IMMP2L: variants seen among roughly 807,000 people sequenced by gnomAD.
IMMP2L encodes mitochondrial inner membrane protease subunit 2.
In IMMP2L, 18 loss-of-function variants were observed where a neutral mutation model predicts 19.3. The ratio of observed to expected loss-of-function variants is 0.93; its 90% CI spans 0.64 to 1.38. The LOEUF (loss-of-function observed/expected upper bound fraction) is 1.38, where lower values mean the gene tolerates loss of function less well. Among genes scored for constraint, IMMP2L ranks in the 40% most tolerant of loss-of-function variants. IMMP2L has a pLI of 0.00. For synonymous variants in IMMP2L, 76 were observed against 73.0 expected (o/e 1.04, Z -0.21); for missense variants, 233 against 218.2 (o/e 1.07, Z -0.43).
intron 3 of IMMP2L, among the ~76,000 whole-genome samples, chr7:111,219,086 C>G (rs1812254832): frequency 6.6e-6 from 1 of 151,904 alleles, no homozygotes; most frequent in Non-Finnish European, 1.5e-5. Context: ...GACTACGTGG[C>G]TAACAAAATC....
chr7:110,895,107 G>A (rs1019887215), intron 4 of IMMP2L, among the ~76,000 whole-genome samples: 1 of 152,190 alleles, frequency 6.6e-6, no homozygotes, highest in Non-Finnish European at 1.5e-5. Flanking sequence ...AAACATGGAG[G>A]AAGGTGAAAG....
chr7:111,058,891 T>C (rs1373278920), intron 3 of IMMP2L, among the ~76,000 whole-genome samples: 2 of 152,200 alleles, frequency 1.3e-5, no homozygotes, highest in African/African-American at 4.8e-5. Flanking sequence ...CTTTAAAAAA[T>C]TCATTCCATT....
At chr7:111,154,091 C>T (rs1804374973) in intron 3 of IMMP2L, among the ~76,000 whole-genome samples, 1 of 152,084 alleles carries the variant, frequency 6.6e-6, no homozygotes, top group South Asian at 2.1e-4. Flanking sequence ...ACTAATTTCA[C>T]AGTACAATGT....
intron 3 of IMMP2L, among the ~76,000 whole-genome samples, chr7:111,083,238 C>G (rs902761868): frequency 6.6e-6 from 1 of 151,890 alleles, no homozygotes; most frequent in African/African-American, 2.4e-5. Flanking sequence ...TAAAGGCAGA[C>G]AAATAACAAC....
chr7:111,372,074 C>T (rs1053590537), intron 3 of IMMP2L, among the ~76,000 whole-genome samples: 1 of 151,956 alleles, frequency 6.6e-6, no homozygotes. Context: ...GCCAGGATTA[C>T]ACAACTGCCA....
chr7:111,124,982 C>CA, intron 3 of IMMP2L: 15 of 953,438 alleles, frequency 1.6e-5, no homozygotes, highest in Admixed American at 3.2e-5. Flanking sequence ...CAAAACAAAA[C>CA]AAACAAACAA....
intron 5 of IMMP2L, among the ~76,000 whole-genome samples, chr7:110,675,758 T>C (rs1792253022): frequency 6.6e-6 from 1 of 152,154 alleles, no homozygotes; most frequent in Non-Finnish European, 1.5e-5. Flanking sequence ...CAAATGAAAC[T>C]TTAAGAAATT....
intron 3 of IMMP2L, among the ~76,000 whole-genome samples, chr7:111,092,482 C>A (rs759233956): frequency 6.6e-6 from 1 of 152,016 alleles, no homozygotes; most frequent in Admixed American, 6.6e-5. Flanking sequence ...TGAGTAGAAC[C>A]GTCCTAATTT....
At chr7:111,505,397 A>C (rs1364620664) in intron 2 of IMMP2L, among the ~76,000 whole-genome samples, 5 of 151,912 alleles carry the variant, frequency 3.3e-5, no homozygotes, top group South Asian at 2.1e-4. Flanking sequence ...TAGTTCAACC[A>C]TTGTGGAAGT....
intron 3 of IMMP2L, among the ~76,000 whole-genome samples, chr7:111,236,674 T>C (rs1814356069): frequency 1.3e-5 from 2 of 152,210 alleles, no homozygotes; most frequent in South Asian, 4.1e-4. Flanking sequence ...CAGTCAGTAC[T>C]CTGTCCTGCA....
chr7:111,113,300 A>G (rs1239508449), intron 3 of IMMP2L, among the ~76,000 whole-genome samples: 1 of 152,188 alleles, frequency 6.6e-6, no homozygotes. Context: ...TTTTGCTGCC[A>G]TCCTTTTACA....
chr7:111,088,287 A>G (rs1393425425), intron 3 of IMMP2L, among the ~76,000 whole-genome samples: 1 of 152,222 alleles, frequency 6.6e-6, no homozygotes, highest in Non-Finnish European at 1.5e-5. Flanking sequence ...TTATTCATTT[A>G]CATTTTAAAA....
chr7:111,359,504 A>T (rs1829053982), intron 3 of IMMP2L, among the ~76,000 whole-genome samples: 4 of 151,694 alleles, frequency 2.6e-5, no homozygotes, highest in Admixed American at 2.0e-4. Flanking sequence ...GTTTCACCAT[A>T]TTGGCCCATC....
At chr7:111,313,641 CCA>C (rs1823743209) in intron 3 of IMMP2L, among the ~76,000 whole-genome samples, 1 of 151,950 alleles carries the variant, frequency 6.6e-6, no homozygotes, top group Non-Finnish European at 1.5e-5. Flanking sequence ...GTGACAAATC[CCA>C]GAGTTACAGA....
intron 5 of IMMP2L, among the ~76,000 whole-genome samples, chr7:110,830,394 A>G (rs1378146543): frequency 6.6e-6 from 1 of 150,682 alleles, no homozygotes; most frequent in South Asian, 2.1e-4. Context: ...GTTTGTTTCT[A>G]AAAAAAAACA....
intron 3 of IMMP2L, among the ~76,000 whole-genome samples, chr7:111,305,699 T>C (rs907567781): frequency 6.6e-6 from 1 of 152,164 alleles, no homozygotes; most frequent in Non-Finnish European, 1.5e-5. Context: ...GGTGAGTCTA[T>C]CCTGGAAAGG....
chr7:110,920,918 TG>T (rs1312574161), intron 4 of IMMP2L, among the ~76,000 whole-genome samples: 7 of 152,206 alleles, frequency 4.6e-5, no homozygotes, highest in Non-Finnish European at 1.0e-4. Flanking sequence ...AAATTAACAT[TG>T]GCTTAACACT....
intron 3 of IMMP2L, among the ~76,000 whole-genome samples, chr7:111,424,022 T>C (rs893047834): frequency 2.0e-5 from 3 of 151,904 alleles, no homozygotes; most frequent in Non-Finnish European, 4.4e-5. Flanking sequence ...CGTAATTAAA[T>C]GAACAGTATA....
At chr7:111,141,041 G>C (rs549516407) in intron 3 of IMMP2L, among the ~76,000 whole-genome samples, 1 of 152,106 alleles carries the variant, frequency 6.6e-6, no homozygotes, top group Non-Finnish European at 1.5e-5. Flanking sequence ...AAAATGAATG[G>C]CTAGTTGGTG....
Sources: allele counts gnomAD v4.1 joint callset (sites outside exome capture counted in the v4.1 genomes callset), GRCh38; gene constraint gnomAD v4.1.1; transcripts MANE v1.5; gene names NCBI Gene and HGNC (gene_info 2026-07-23, HGNC 2026-07-21).